MYCT1: variants seen among roughly 807,000 people sequenced by gnomAD.
MYCT1 encodes MYC target 1, also known as myc target protein 1.
In MYCT1, 12 loss-of-function variants were observed where a neutral mutation model predicts 15.0. The observed-to-expected ratio is 0.80, with a 90% CI of 0.51 to 1.29. The LOEUF (loss-of-function observed/expected upper bound fraction) is 1.29. Ranked by LOEUF, MYCT1 falls within the 50% of genes most tolerant of loss-of-function variation. The probability of loss-of-function intolerance (pLI) is 0.00; values close to 1 mark genes in which losing one functional copy is unlikely to be tolerated. For missense variants in MYCT1, 287 were observed against 279.1 expected, an observed-to-expected ratio of 1.03 and a Z score of -0.20; for synonymous variants, 104 against 102.7, an observed-to-expected ratio of 1.01 and a Z score of -0.07.
chr6:152,704,447 T>G (rs1415737317), intron 1 of MYCT1, among the ~76,000 whole-genome samples: 4 of 152,214 alleles, frequency 2.6e-5, no homozygotes, highest in Non-Finnish European at 2.9e-5. Context: ...TCCAACTTTA[T>G]TCTCCTTTTT....
the MYCT1 span, among the ~76,000 whole-genome samples, chr6:152,746,599 T>C: frequency 6.6e-6 from 1 of 152,228 alleles, no homozygotes; most frequent in Non-Finnish European, 1.5e-5. Context: ...GGGGAACATA[T>C]ACATAAGAGA....
At chr6:152,730,381 T>C in the MYCT1 span, among the ~76,000 whole-genome samples, 8 of 152,204 alleles carry the variant, frequency 5.3e-5, no homozygotes, top group Non-Finnish European at 7.3e-5. Context: ...TGCTCCCCGG[T>C]GGATTGAAAC....
At chr6:152,698,131 A>C in intron 1 of MYCT1, 33 bp downstream of exon 1, 3 of 1,331,662 alleles carry the variant, frequency 2.3e-6, no homozygotes, top group Non-Finnish European at 3.1e-6. Context: ...TTAAAATTTA[A>C]AATTAGGATG....
intron 1 of MYCT1, among the ~76,000 whole-genome samples, chr6:152,699,830 T>C (rs1255819538): frequency 6.6e-6 from 1 of 152,160 alleles, no homozygotes; most frequent in Non-Finnish European, 1.5e-5. Context: ...AGTTCACCTA[T>C]TGATTCTAAA....
chr6:152,726,197 G>A (rs1253290603), downstream of MYCT1, among the ~76,000 whole-genome samples: 3 of 152,058 alleles, frequency 2.0e-5, no homozygotes, highest in Non-Finnish European at 4.4e-5. Flanking sequence ...AGGAGTTTGA[G>A]ACCAGCCTGA....
intron 1 of MYCT1, among the ~76,000 whole-genome samples, chr6:152,717,787 A>G (rs1385059437): frequency 1.3e-5 from 2 of 152,164 alleles, no homozygotes; most frequent in Non-Finnish European, 2.9e-5. Flanking sequence ...TACTGACTTT[A>G]TGGATTAAGA....
chr6:152,743,607 C>A, the MYCT1 span, among the ~76,000 whole-genome samples: 2 of 152,160 alleles, frequency 1.3e-5, no homozygotes, highest in South Asian at 2.1e-4. Context: ...GGCAACCATG[C>A]CCCACTCCCC....
At chr6:152,744,354 G>A in the MYCT1 span, among the ~76,000 whole-genome samples, 1 of 152,132 alleles carries the variant, frequency 6.6e-6, no homozygotes, top group African/African-American at 2.4e-5. Context: ...TTTAAAACAT[G>A]CAGGCCTTCT....
At position 152,722,338 on chromosome 6, in the gene MYCT1, G is replaced by A. The variant is rs2099724865; in HGVS notation, c.*85G>A. 8 of 1,381,142 alleles carry A rather than the reference G, an allele frequency of 5.8e-6. No individual in the cohort carries two copies. The highest frequency in any genetic ancestry group is 7.8e-6 in the Non-Finnish European group (8 of 1,027,466). 85.6% of individuals were successfully genotyped at this position (1,381,142 alleles called of 1,614,324 possible). On this transcript the variant is annotated 3_prime_UTR_variant, in exon 2 of 2. Coordinates refer to ENST00000367245, the MANE Select transcript of MYCT1 (RefSeq NM_025107.3). The stretch of plus-strand genomic sequence containing the variant: ...AAAATAGGCTAAACAGAATTTTGAG[G>A]GCATGGCCCAAATAACTCATGAGTT...
rs1485243423 is a variant in MYCT1 at position 152,722,905 on chromosome 6, A to C, written c.*652A>C. On this transcript the variant is annotated 3_prime_UTR_variant, in exon 2 of 2. Transcript: ENST00000367245. ...AGGGGTGCACTACCACACCGGGTTG[A>C]ATTTTTTTTTAATTTTAGTAGAGAT... is the stretch of plus-strand genomic sequence containing the variant. 5.8e-6 allele frequency: 1 copy of C among 173,212 alleles called. No individual in the cohort carries two copies. The allele number at this position is 173,212 out of a possible 1,614,324, so 10.7% of individuals were successfully genotyped here.
In MYCT1 at chr6:152,723,707, C is replaced by A. The variant is rs2099725125; in HGVS notation, c.*1454C>A. On this transcript the variant is annotated 3_prime_UTR_variant, in exon 2 of 2. Coordinates refer to ENST00000367245, the MANE Select transcript of MYCT1 (RefSeq NM_025107.3). ...GTGGCTGCCCTTGTAAGGAAGAATG[C>A]ATCCCTAAATGTGGCCACCAGAGAG... 6.6e-6 allele frequency: 1 copy of A among 152,218 alleles called. No homozygotes were observed. The highest frequency in any genetic ancestry group is 1.5e-5 in the Non-Finnish European group (1 of 68,080). The allele number at this position is 152,218 out of a possible 1,614,324, so 9.4% of individuals were successfully genotyped here. A position where few individuals can be genotyped will look rare whatever the true frequency, so the allele number is the denominator to read the frequency against.
chr6:152,733,185 C>A, the MYCT1 span, among the ~76,000 whole-genome samples: 5 of 152,028 alleles, frequency 3.3e-5, no homozygotes, highest in South Asian at 6.3e-4. Context: ...TGCACTGCAA[C>A]CTTCACCTCC....
the MYCT1 span, among the ~76,000 whole-genome samples, chr6:152,743,403 G>A: frequency 6.6e-6 from 1 of 152,162 alleles, no homozygotes; most frequent in African/African-American, 2.4e-5. Context: ...TAAAGGCACT[G>A]CAGCCACAGA....
chr6:152,729,327 T>A (rs2129071755), downstream of MYCT1, among the ~76,000 whole-genome samples: 1 of 152,204 alleles, frequency 6.6e-6, no homozygotes, highest in East Asian at 1.9e-4. Flanking sequence ...TTTTTTTTTT[T>A]AAGTGGTTTG....
chr6:152,721,071 A>G (rs1054962411), intron 1 of MYCT1, among the ~76,000 whole-genome samples: 7 of 152,180 alleles, frequency 4.6e-5, no homozygotes, highest in African/African-American at 1.7e-4. Flanking sequence ...CAAGGGCGTA[A>G]CAGAAGCATG....
At chr6:152,741,639 G>T in the MYCT1 span, among the ~76,000 whole-genome samples, 4 of 152,108 alleles carry the variant, frequency 2.6e-5, no homozygotes, top group Non-Finnish European at 2.9e-5. Flanking sequence ...ATGAATCATA[G>T]AATTTAAAAA....
At chr6:152,728,571 G>T (rs549172600), downstream of MYCT1, among the ~76,000 whole-genome samples, 2 of 152,060 alleles carry the variant, frequency 1.3e-5, no homozygotes, top group African/African-American at 4.8e-5. Context: ...TAACAACACT[G>T]AAAGTGGAAA....
downstream of MYCT1, among the ~76,000 whole-genome samples, chr6:152,724,782 TGA>T (rs1427704196): frequency 6.6e-6 from 1 of 151,984 alleles, no homozygotes; most frequent in Non-Finnish European, 1.5e-5. Flanking sequence ...ATGAATAGAC[TGA>T]GACACAAATC....
At chr6:152,713,060 G>T (rs1179073205) in intron 1 of MYCT1, among the ~76,000 whole-genome samples, 2 of 151,862 alleles carry the variant, frequency 1.3e-5, no homozygotes, top group African/African-American at 2.4e-5. Context: ...TTTTTATATA[G>T]TTCCACAAGG....
Sources: allele counts gnomAD v4.1 joint callset (sites outside exome capture counted in the v4.1 genomes callset), GRCh38; gene constraint gnomAD v4.1.1; transcripts MANE v1.5; gene names NCBI Gene and HGNC (gene_info 2026-07-23, HGNC 2026-07-21).